SPTLC3: variants seen among roughly 807,000 people sequenced by gnomAD.
SPTLC3 encodes the protein serine palmitoyltransferase long chain base subunit 3, also known as serine palmitoyltransferase 3.
In SPTLC3, 36 loss-of-function variants were observed where a neutral mutation model predicts 59.3. That is an observed-to-expected ratio of 0.61 (90% confidence interval 0.47 to 0.80). The LOEUF (loss-of-function observed/expected upper bound fraction) is 0.80. Ranked by LOEUF, SPTLC3 falls within the 30% of genes least tolerant of loss-of-function variation. The probability of loss-of-function intolerance (pLI) is 0.00; values close to 1 mark genes in which losing one functional copy is unlikely to be tolerated. For missense variants in SPTLC3, 625 were observed against 685.1 expected, an observed-to-expected ratio of 0.91 and a Z score of 0.98; for synonymous variants, 257 against 240.8, an observed-to-expected ratio of 1.07 and a Z score of -0.62.
intron 1 of SPTLC3, among the ~76,000 whole-genome samples, chr20:13,041,631 A>C (rs1986984158): frequency 6.6e-6 from 1 of 151,990 alleles, no homozygotes; most frequent in Non-Finnish European, 1.5e-5. Flanking sequence ...TGTTGTTCTT[A>C]TGTAGATCAC....
Position 13,117,627 on chromosome 20 carries a change from A to G in SPTLC3, c.1054A>G (p.Thr352Ala). The G allele has an allele frequency of 6.2e-7, 1 of 1,614,102 alleles. No individual in the cohort carries two copies. Among genetic ancestry groups the G allele is most frequent in the Non-Finnish European group, 8.5e-7 (1 of 1,179,968 alleles). The part of the protein sequence containing the change: ...GAVGPTGRGV[T>A]EFFGLDPHEV... ...CGTGGGCCCAACCGGCCGGGGTGTC[A>G]CGGAGTTCTTTGGACTAGACCCTCA... Residue 352 changes from threonine to alanine, a missense_variant, in exon 8 of 12, where the codon ACG becomes GCG. Thr to Ala is a moderately conservative substitution (Grantham distance 58). Transcript: ENST00000399002.
In SPTLC3 at chr20:13,019,899, T is replaced by A. The variant is rs79363006; in HGVS notation, c.117+10515T>A. On this transcript the variant is annotated intron_variant, in intron 1 of 11. Coordinates refer to ENST00000399002, the MANE Select transcript of SPTLC3 (RefSeq NM_018327.4). ...CTTGTGGTTGTGAGTCTTTTGGAGT[T>A]CAAGGATTCCTTTGAGAAGCTGTTA... 3.4e-3 allele frequency among the ~76,000 whole-genome samples: 522 copies of A among 152,336 alleles called. 13 individuals carry two copies. The highest frequency in any genetic ancestry group is 0.024 in the East Asian group (125 of 5,188).
At chr20:13,046,703 T>C (rs1358882199) in intron 1 of SPTLC3, among the ~76,000 whole-genome samples, 1 of 152,138 alleles carries the variant, frequency 6.6e-6, no homozygotes. Context: ...TGTACTAAAA[T>C]AGCATAGCAA....
intron 1 of SPTLC3, among the ~76,000 whole-genome samples, chr20:13,011,095 G>A (rs953853400): frequency 2.7e-4 from 41 of 152,092 alleles, no homozygotes; most frequent in African/African-American, 9.9e-4. Flanking sequence ...CTTTCATTGA[G>A]AGCCTCAATT....
intron 6 of SPTLC3, among the ~76,000 whole-genome samples, chr20:13,100,610 C>T (rs1335358028): frequency 6.6e-6 from 1 of 152,146 alleles, no homozygotes; most frequent in Non-Finnish European, 1.5e-5. Flanking sequence ...GTACCAGAAT[C>T]TTTTATCACC....
At chr20:13,036,451 G>A (rs1986738688) in intron 1 of SPTLC3, among the ~76,000 whole-genome samples, 1 of 151,896 alleles carries the variant, frequency 6.6e-6, no homozygotes. Context: ...GAAAATACAT[G>A]TCCTCTCCCT....
At chr20:13,084,250 G>C (rs1319530850) in intron 4 of SPTLC3, among the ~76,000 whole-genome samples, 1 of 152,132 alleles carries the variant, frequency 6.6e-6, no homozygotes, top group Non-Finnish European at 1.5e-5. Flanking sequence ...GGAAGGAGGG[G>C]AATAAAAAGT....
chr20:13,079,600 A>T, intron 4 of SPTLC3: 1 of 240,406 alleles, frequency 4.2e-6, no homozygotes, highest in South Asian at 3.8e-5. Context: ...CAAATATGAA[A>T]TGCACTTGTG....
At chr20:13,009,847 C>T (rs1022009456) in intron 1 of SPTLC3, among the ~76,000 whole-genome samples, 1 of 152,094 alleles carries the variant, frequency 6.6e-6, no homozygotes, top group African/African-American at 2.4e-5. Context: ...GTTTGAAAGG[C>T]GAGTTATTAT....
intron 8 of SPTLC3, among the ~76,000 whole-genome samples, chr20:13,119,792 C>T (rs1037149469): frequency 6.6e-6 from 1 of 152,194 alleles, no homozygotes; most frequent in African/African-American, 2.4e-5. Context: ...ACCTTGAAAA[C>T]ATAGGGGCTG....
At chr20:13,090,775 T>A (rs1437481175) in intron 4 of SPTLC3, among the ~76,000 whole-genome samples, 2 of 152,242 alleles carry the variant, frequency 1.3e-5, no homozygotes, top group African/African-American at 4.8e-5. Flanking sequence ...CCTGTACTTT[T>A]TTAGATGTCT....
At chr20:13,140,248 G>T (rs755348371) in intron 9 of SPTLC3, among the ~76,000 whole-genome samples, 2 of 152,136 alleles carry the variant, frequency 1.3e-5, no homozygotes, top group Non-Finnish European at 2.9e-5. Flanking sequence ...ATTAAAAATT[G>T]CAATTTAAAA....
chr20:13,127,492 T>C (rs539828093), intron 9 of SPTLC3, among the ~76,000 whole-genome samples: 45 of 152,340 alleles, frequency 3.0e-4, no homozygotes, highest in African/African-American at 1.0e-3. Context: ...AAGTCCTACA[T>C]TGTTTAATGC....
At chr20:13,139,940 C>T (rs2038341798) in intron 9 of SPTLC3, among the ~76,000 whole-genome samples, 1 of 152,204 alleles carries the variant, frequency 6.6e-6, no homozygotes, top group Admixed American at 6.5e-5. Flanking sequence ...TTTACCACAA[C>T]TACTTCTAGT....
intron 9 of SPTLC3, among the ~76,000 whole-genome samples, chr20:13,138,548 G>A (rs746230037): frequency 6.6e-6 from 1 of 152,174 alleles, no homozygotes; most frequent in Non-Finnish European, 1.5e-5. Flanking sequence ...CATCAAATAC[G>A]TGAGTGAATG....
chr20:13,020,736 G>A (rs1985837894), intron 1 of SPTLC3, among the ~76,000 whole-genome samples: 1 of 152,120 alleles, frequency 6.6e-6, no homozygotes, highest in African/African-American at 2.4e-5. Flanking sequence ...AATGATAGTA[G>A]AAAGACCACT....
At chr20:13,143,437 CATT>C (rs891858410) in intron 9 of SPTLC3, among the ~76,000 whole-genome samples, 1 of 152,114 alleles carries the variant, frequency 6.6e-6, no homozygotes, top group African/African-American at 2.4e-5. Context: ...ATGCAGTGGG[CATT>C]ATTATTATTA....
At position 13,123,329 on chromosome 20, in the gene SPTLC3, T is replaced by TAAA. The variant is rs763279770; in HGVS notation, c.1153-3251_1153-3249dup. On this transcript the variant is annotated intron_variant, in intron 8 of 11. Coordinates refer to ENST00000399002, the MANE Select transcript of SPTLC3 (RefSeq NM_018327.4). ...CTGGCCGACAGAGCAAGACTCTGTCTAAAAAAAAAAAAAGTCACCAACTGC... is the reference window on the plus strand; with the variant it reads ...CTGGCCGACAGAGCAAGACTCTGTCTAAAAAAAAAAAAAAAAGTCACCAACTGC... Among the ~76,000 whole-genome samples the TAAA allele has an allele frequency of 9.2e-3, 1,324 of 143,752 alleles. 19 individuals carry two copies. Among genetic ancestry groups the TAAA allele is most frequent in the African/African-American group, 0.032 (1,251 of 39,410 alleles). 94.3% of individuals were successfully genotyped at this position (143,752 alleles called of 152,430 possible).
At chr20:13,118,072 G>C (rs1331074171) in intron 8 of SPTLC3, among the ~76,000 whole-genome samples, 1 of 152,016 alleles carries the variant, frequency 6.6e-6, no homozygotes, top group East Asian at 1.9e-4. Flanking sequence ...AAATAATGGG[G>C]GGCCATATTT....
Sources: gnomAD v4.1 joint callset for allele counts (sites outside exome capture counted in the v4.1 genomes callset) on GRCh38, gnomAD v4.1.1 for gene constraint, MANE v1.5 for transcripts, NCBI Gene and HGNC (gene_info 2026-07-23, HGNC 2026-07-21) for gene names.